RIT2: variants seen among roughly 807,000 people sequenced by gnomAD.
The protein encoded by RIT2 is GTP-binding protein Rit2.
A neutral mutation model predicts 23.7 loss-of-function variants in RIT2; 24 were observed. The observed-to-expected ratio is 1.01, with a 90% confidence interval of 0.73 to 1.43. The LOEUF (loss-of-function observed/expected upper bound fraction) is 1.43. RIT2 is among the 40% of genes most tolerant of loss of function. RIT2 has a pLI of 0.00. For synonymous variants in RIT2, 107 were observed against 91.1 expected, an observed-to-expected ratio of 1.17 and a Z score of -0.99; for missense variants, 236 against 266.9, an observed-to-expected ratio of 0.88 and a Z score of 0.81.
chr18:42,995,186 T>G (rs1433993151), intron 2 of RIT2, among the ~76,000 whole-genome samples: 1 of 152,120 alleles, frequency 6.6e-6, no homozygotes, highest in African/African-American at 2.4e-5. Context: ...AACCTCTCAT[T>G]TCCTTTCCAT....
rs145170382 is a variant in RIT2, at chr18:43,002,893, T to C, written c.161-28746A>G. Among the ~76,000 whole-genome samples, 393 of 151,990 alleles carry C rather than the reference T, an allele frequency of 2.6e-3. 2 individuals carry two copies. Among genetic ancestry groups the C allele is most frequent in the Non-Finnish European group, 4.8e-3 (324 of 67,928 alleles). ...TTCAGGATTATCCAGGTGTGACCAA[T>C]GTAATCACAGAGGCCTTTAAAGAGA... On this transcript the variant is annotated intron_variant, in intron 2 of 4. Transcript: ENST00000326695.
intron 4 of RIT2, among the ~76,000 whole-genome samples, chr18:42,879,795 T>C (rs1046293640): frequency 6.6e-6 from 1 of 152,186 alleles, no homozygotes; most frequent in African/African-American, 2.4e-5. Context: ...TTTTCAAAGT[T>C]AATAAACTCT....
At chr18:42,988,834 C>A (rs555017245) in intron 2 of RIT2, among the ~76,000 whole-genome samples, 105 of 152,246 alleles carry the variant, frequency 6.9e-4, no homozygotes, top group Non-Finnish European at 1.2e-3. Flanking sequence ...TAAGAGAGTA[C>A]TGGGTGAACA....
intron 4 of RIT2, among the ~76,000 whole-genome samples, chr18:42,768,375 A>C (rs1233628064): frequency 6.6e-6 from 1 of 152,142 alleles, no homozygotes; most frequent in Non-Finnish European, 1.5e-5. Flanking sequence ...GCAGAAGTTC[A>C]AGGTTTCCAT....
intron 4 of RIT2, among the ~76,000 whole-genome samples, chr18:42,782,690 A>G (rs1913838309): frequency 6.6e-6 from 1 of 152,164 alleles, no homozygotes; most frequent in South Asian, 2.1e-4. Flanking sequence ...GTTCATAAGG[A>G]GAATCATAGA....
At chr18:43,104,169 T>C (rs1377845674) in intron 1 of RIT2, among the ~76,000 whole-genome samples, 1 of 152,180 alleles carries the variant, frequency 6.6e-6, no homozygotes, top group African/African-American at 2.4e-5. Context: ...TAACGTTAAG[T>C]AAACTAAATC....
At chr18:42,994,136 T>C (rs1207007221) in intron 2 of RIT2, among the ~76,000 whole-genome samples, 1 of 152,074 alleles carries the variant, frequency 6.6e-6, no homozygotes, top group African/African-American at 2.4e-5. Flanking sequence ...CAAACATGCT[T>C]TCTTTACTAT....
intron 3 of RIT2, among the ~76,000 whole-genome samples, chr18:42,942,482 ACAG>A (rs1568035993): frequency 3.3e-5 from 5 of 152,102 alleles, no homozygotes; most frequent in Non-Finnish European, 5.9e-5. Flanking sequence ...CATACCTTCG[ACAG>A]TAGGTCACAA....
At chr18:43,037,248 A>T (rs1379233425) in intron 1 of RIT2, among the ~76,000 whole-genome samples, 3 of 152,230 alleles carry the variant, frequency 2.0e-5, no homozygotes, top group African/African-American at 4.8e-5. Context: ...AAATACCAGC[A>T]TAAGTCATAA....
At chr18:42,826,333 C>T (rs917737027) in intron 4 of RIT2, among the ~76,000 whole-genome samples, 1 of 151,980 alleles carries the variant, frequency 6.6e-6, no homozygotes, top group African/African-American at 2.4e-5. Flanking sequence ...ATATGAACAT[C>T]GGGATTGTTA....
intron 4 of RIT2, among the ~76,000 whole-genome samples, chr18:42,839,495 G>A (rs777508709): frequency 3.7e-4 from 56 of 152,224 alleles, no homozygotes; most frequent in Admixed American, 8.5e-4. Flanking sequence ...TGACTTGAGG[G>A]CTTGATTGAC....
At chr18:42,961,767 C>G (rs1910098614) in intron 3 of RIT2, among the ~76,000 whole-genome samples, 1 of 152,158 alleles carries the variant, frequency 6.6e-6, no homozygotes, top group African/African-American at 2.4e-5. Context: ...ATGAAAACAG[C>G]AATCATTTTT....
At chr18:42,855,596 A>G (rs573170377) in intron 4 of RIT2, among the ~76,000 whole-genome samples, 154 of 152,316 alleles carry the variant, frequency 1.0e-3, no homozygotes, top group African/African-American at 3.4e-3. Context: ...ACCTTCTAAA[A>G]GTCACCATCC....
At chr18:43,079,203 A>C (rs1290107084) in intron 1 of RIT2, among the ~76,000 whole-genome samples, 1 of 152,252 alleles carries the variant, frequency 6.6e-6, no homozygotes, top group African/African-American at 2.4e-5. Context: ...AAAACAAACT[A>C]AAATCACAAA....
At chr18:42,769,905 A>T (rs1013219023) in intron 4 of RIT2, among the ~76,000 whole-genome samples, 1 of 151,408 alleles carries the variant, frequency 6.6e-6, no homozygotes, top group East Asian at 1.9e-4. Context: ...GCCTAGAGCC[A>T]CTGGACAATG....
At chr18:42,996,614 C>T (rs1396514866) in intron 2 of RIT2, among the ~76,000 whole-genome samples, 1 of 151,916 alleles carries the variant, frequency 6.6e-6, no homozygotes, top group Non-Finnish European at 1.5e-5. Context: ...TGTGACCCCC[C>T]ACTCCTGCCC....
intron 4 of RIT2, among the ~76,000 whole-genome samples, chr18:42,875,330 C>CT (rs1176760577): frequency 5.0e-3 from 685 of 137,738 alleles, no homozygotes; most frequent in Non-Finnish European, 5.3e-3. Context: ...TTCTCTCTCT[C>CT]TTTTTTTTTT....
chr18:42,850,335 T>C (rs1232031123), intron 4 of RIT2, among the ~76,000 whole-genome samples: 1 of 152,200 alleles, frequency 6.6e-6, no homozygotes, highest in Non-Finnish European at 1.5e-5. Context: ...TATCACTCAG[T>C]TTCACCATTA....
chr18:42,960,405 C>A (rs984651771), intron 3 of RIT2, among the ~76,000 whole-genome samples: 17 of 152,180 alleles, frequency 1.1e-4, no homozygotes, highest in African/African-American at 3.6e-4. Flanking sequence ...ACCTCTGCCT[C>A]CTGGGTTTAA....
Sources: gnomAD v4.1 joint callset for allele counts (sites outside exome capture counted in the v4.1 genomes callset) on GRCh38, gnomAD v4.1.1 for gene constraint, MANE v1.5 for transcripts, NCBI Gene and HGNC (gene_info 2026-07-23, HGNC 2026-07-21) for gene names.